Variants in CES1 observed in about 807,000 individuals in gnomAD.
CES1 encodes the protein carboxylesterase 1, also known as liver carboxylesterase 1.
Under a neutral mutation model 53.0 loss-of-function variants are expected in CES1, and 50 were observed. The ratio of observed to expected loss-of-function variants is 0.94; its 90% CI spans 0.75 to 1.19. The LOEUF (loss-of-function observed/expected upper bound fraction) is 1.19. Among genes scored for constraint, CES1 ranks in the 50% most tolerant of loss-of-function variants. The probability of loss-of-function intolerance (pLI) is 0.00; values close to 1 mark genes in which losing one functional copy is unlikely to be tolerated. For synonymous variants in CES1, 202 were observed against 210.1 expected, an observed-to-expected ratio of 0.96 and a Z score of 0.33; for missense variants, 534 against 538.0, an observed-to-expected ratio of 0.99 and a Z score of 0.07.
At chr16:55,812,813 G>A in intron 9 of CES1, 90 bp downstream of exon 9, 1 of 1,560,242 alleles carries the variant, frequency 6.4e-7, no homozygotes, top group Non-Finnish European at 8.8e-7. Flanking sequence ...GACTCAGAGT[G>A]CAGCTCGGAG....
rs57486989 is a variant in CES1, at chr16:55,827,277, C to CAATAATAATAATAAT, written c.261-997_261-983dup. Among the ~76,000 whole-genome samples the CAATAATAATAATAAT allele has an allele frequency of 3.6e-3, 515 of 143,774 alleles. 2 individuals carry two copies. Among genetic ancestry groups the CAATAATAATAATAAT allele is most frequent in the African/African-American group, 4.6e-3 (181 of 39,124 alleles). 94.3% of individuals were successfully genotyped at this position (143,774 alleles called of 152,430 possible). Reference sequence around the variant, plus strand: ...AGATCACCAAGTGCAAGAGGAATAACAATAATAATAATAATAATAATAATA... The same window carrying CAATAATAATAATAAT: ...AGATCACCAAGTGCAAGAGGAATAACAATAATAATAATAATAATAATAATAATAATAATAATAATA... On this transcript the variant is annotated intron_variant, in intron 2 of 13. Coordinates refer to ENST00000360526, the MANE Select transcript of CES1 (RefSeq NM_001025195.2).
intron 2 of CES1, among the ~76,000 whole-genome samples, chr16:55,826,727 C>A (rs1202175161): frequency 1.3e-5 from 2 of 152,192 alleles, no homozygotes; most frequent in African/African-American, 4.8e-5. Flanking sequence ...GCGTCCCAAT[C>A]CGCCAGGTCT....
At chr16:55,820,656 C>T (rs1236977174) in intron 5 of CES1, among the ~76,000 whole-genome samples, 177 bp from the exon 6 acceptor site, 12 of 152,114 alleles carry the variant, frequency 7.9e-5, no homozygotes, top group Non-Finnish European at 1.6e-4. Context: ...GCTCCCAGCA[C>T]CTCTCATCTG....
intron 2 of CES1, among the ~76,000 whole-genome samples, chr16:55,826,948 G>T (rs1433569848): frequency 6.6e-6 from 1 of 152,152 alleles, no homozygotes; most frequent in East Asian, 1.9e-4. Flanking sequence ...TTAAGCCTCA[G>T]ACTAGTCCCA....
chr16:55,817,316 G>T (rs773794302), intron 7 of CES1, among the ~76,000 whole-genome samples: 1 of 152,220 alleles, frequency 6.6e-6, no homozygotes, highest in Non-Finnish European at 1.5e-5. Flanking sequence ...GAAGGACAGA[G>T]AATGGTAGAT....
Position 55,819,632 on chromosome 16 carries a change from G to A in CES1, c.809C>T (p.Ala270Val). Residue 270 changes from alanine (A) to valine (V), a missense_variant, in exon 7 of 14, where the codon GCT becomes GTT. Physicochemically the swap from Ala to Val is moderately conservative, Grantham distance 64. This residue lies in a region of CES1 where 269 missense variants were observed against 206.6 expected (regional missense o/e 1.30). Transcript: ENST00000360526. ...GGTGGTTTTGCACCCAGCAGTGATA[G>A]CAATTTGCTGCAAAGATCACAGGCA... Reference protein sequence around the residue: ...GDVKPLAEQIAITAGCKTTTS... With the variant: ...GDVKPLAEQIVITAGCKTTTS... 6.2e-7 allele frequency: 1 copy of A among 1,612,506 alleles called. No individual in the cohort carries two copies. The highest frequency in any genetic ancestry group is 1.3e-5 in the African/African-American group (1 of 74,964).
At chr16:55,816,654 G>A (rs2302720) in intron 8 of CES1, among the ~76,000 whole-genome samples, 94,782 of 151,178 alleles carry the variant, frequency 0.63, 31,912 homozygotes, top group Non-Finnish European at 0.76. Context: ...AGCAGAAAAT[G>A]TAAAAAAGAA....
chr16:55,824,180 C>A (rs1445464378), intron 3 of CES1, among the ~76,000 whole-genome samples: 1 of 152,136 alleles, frequency 6.6e-6, no homozygotes, highest in Non-Finnish European at 1.5e-5. Context: ...TCCTCAAATG[C>A]CTCCTTATGC....
At chr16:55,816,820 G>C in intron 8 of CES1, 104 bp downstream of exon 8, 2 of 1,338,228 alleles carry the variant, frequency 1.5e-6, no homozygotes, top group Non-Finnish European at 2.2e-6. Context: ...AAACACGCAG[G>C]AGTTACTATA....
At chr16:55,830,229 A>T (rs1305999601) in intron 1 of CES1, among the ~76,000 whole-genome samples, 1 of 152,252 alleles carries the variant, frequency 6.6e-6, no homozygotes, top group African/African-American at 2.4e-5. Context: ...TCATCTTATT[A>T]ATAGCCAACC....
Position 55,816,924 on chromosome 16 carries a change from C to G in CES1, c.945G>C (p.Glu315Asp), listed in dbSNP as rs760410745. 1.9e-6 allele frequency: 3 copies of G among 1,614,056 alleles called. No homozygotes were observed. Among genetic ancestry groups the G allele is most frequent in the East Asian group, 2.2e-5 (1 of 44,890 alleles). The change falls in exon 8 of 14, where the codon GAG (glutamate) becomes GAC (aspartate). Residue 315 changes from glutamate to aspartate, a missense_variant and splice_region_variant. Glu to Asp is a conservative substitution (Grantham distance 45). Transcript: ENST00000360526. ...TAATCCAGAAACAAAAGGTCCTTAC[C>G]TCTCTGGGGTCTCCCTGTAAGTCCA... is the stretch of plus-strand genomic sequence containing the variant. The part of the protein sequence containing the change: ...LSLDLQGDPR[E>D]SQPLLGTVID...
intron 8 of CES1, among the ~76,000 whole-genome samples, chr16:55,813,862 T>C (rs2031816219): frequency 6.6e-6 from 1 of 152,236 alleles, no homozygotes; most frequent in South Asian, 2.1e-4. Flanking sequence ...AAGAGGACAC[T>C]TGTAAACATC....
chr16:55,823,591 C>G lies in CES1; in HGVS notation c.498G>C (p.Val166=). 1 of 1,613,974 alleles carries G rather than the reference C, an allele frequency of 6.2e-7. No homozygotes were observed. The highest frequency in any genetic ancestry group is 1.1e-5 in the South Asian group (1 of 91,074). The part of the protein sequence containing the change: ...LALAAHENVV[V]VTIQYRLGIW... ...TGCCCAGGCGATATTGAATGGTCAC[C>G]ACCACCACGTTTTCATGGGCAGCAA... is the stretch of plus-strand genomic sequence containing the variant. Residue 166 remains valine (V), a synonymous_variant, in exon 4 of 14, where the codon GTG becomes GTC. Transcript: ENST00000360526.
chr16:55,810,836 C>T, intron 10 of CES1, 91 bp downstream of exon 10: 1 of 1,417,850 alleles, frequency 7.1e-7, no homozygotes, highest in Non-Finnish European at 1.0e-6. Context: ...AGGCCCCAGT[C>T]TTCATTCTGC....
At chr16:55,826,092 C>T in intron 3 of CES1, 59 bp downstream of exon 3, 2 of 1,610,394 alleles carry the variant, frequency 1.2e-6, no homozygotes. Context: ...TCCATTCTGC[C>T]CCAGAAGATG....
At chr16:55,826,088 C>A (rs2032401942) in intron 3 of CES1, 63 bp downstream of exon 3, 2 of 1,607,610 alleles carry the variant, frequency 1.2e-6, no homozygotes, top group Admixed American at 3.3e-5. Flanking sequence ...CCCTTCCATT[C>A]TGCCCCAGAA....
intron 6 of CES1, chr16:55,819,860 T>C: frequency 4.7e-6 from 3 of 635,790 alleles, no homozygotes; most frequent in Non-Finnish European, 8.6e-6. Flanking sequence ...TCATCTCTGC[T>C]ACCTTATCTC....
intron 7 of CES1, among the ~76,000 whole-genome samples, chr16:55,817,904 T>C (rs2032014923): frequency 6.6e-6 from 1 of 152,228 alleles, no homozygotes; most frequent in South Asian, 2.1e-4. Flanking sequence ...GACTCAACTC[T>C]TCCCTTTTAA....
At chr16:55,815,002 A>G (rs1202063772) in intron 8 of CES1, among the ~76,000 whole-genome samples, 1 of 152,244 alleles carries the variant, frequency 6.6e-6, no homozygotes, top group Non-Finnish European at 1.5e-5. Context: ...AGGGCAGACT[A>G]CGTGGAAGAG....
Sources: gnomAD v4.1 joint callset for allele counts (sites outside exome capture counted in the v4.1 genomes callset) on GRCh38, gnomAD v4.1.1 for gene constraint, gnomAD v4.1.1 regional missense constraint, MANE v1.5 for transcripts, NCBI Gene and HGNC (gene_info 2026-07-23, HGNC 2026-07-21) for gene names.